Variants in MICALL2 observed in about 807,000 individuals in gnomAD.
MICALL2 encodes MICAL-like protein 2.
Under a neutral mutation model 91.1 loss-of-function variants are expected in MICALL2, and 111 were observed. The observed-to-expected ratio is 1.22, with a 90% CI of 1.04 to 1.43. The LOEUF is 1.43. Among genes scored for constraint, MICALL2 ranks in the 40% most tolerant of loss-of-function variants. MICALL2 has a pLI of 0.00. For synonymous variants in MICALL2, 694 were observed against 525.3 expected, an observed-to-expected ratio of 1.32 and a Z score of -4.39; for missense variants, 1,556 against 1,236.0, an observed-to-expected ratio of 1.26 and a Z score of -3.88.
chr7:1,459,288 C>T lies in MICALL2; in HGVS notation c.39G>A (p.Gln13=). Residue 13 remains glutamine (Q), a synonymous_variant, in exon 1 of 17, where the codon CAG becomes CAA. Transcript: ENST00000297508. ...TCACGTCGCGGTAGCCCTCGCACTG[C>T]TGCCGGCACCACTGTTGCAGCGCCC... The part of the protein sequence containing the change: ...AIRALQQWCR[Q]QCEGYRDVNI... The T allele has an allele frequency of 6.2e-7, 1 of 1,601,294 alleles. No individual in the cohort carries two copies. Among genetic ancestry groups the T allele is most frequent in the Non-Finnish European group, 8.5e-7 (1 of 1,175,174 alleles).
At chr7:1,437,215 T>C in intron 14 of MICALL2, 1 of 497,866 alleles carries the variant, frequency 2.0e-6, no homozygotes, top group Non-Finnish European at 3.5e-6. Flanking sequence ...CAAATGCCTA[T>C]GGCTCGCCCT....
intron 6 of MICALL2, among the ~76,000 whole-genome samples, chr7:1,443,006 C>A (rs1022163871): frequency 2.0e-5 from 3 of 152,138 alleles, no homozygotes; most frequent in African/African-American, 7.2e-5. Flanking sequence ...CTCAGGCACA[C>A]ACCAGGAGTG....
At position 1,447,641 on chromosome 7, in the gene MICALL2, A is replaced by G; in HGVS notation, c.459T>C (p.Ser153=). Residue 153 remains serine, a synonymous_variant, in exon 4 of 17, where the codon TCT becomes TCC. Coordinates refer to ENST00000297508, the MANE Select transcript of MICALL2 (RefSeq NM_182924.4). ...SPAPARKPPL[S]PAQTNPVVQR... is the part of the protein sequence containing the mutation. The stretch of plus-strand genomic sequence containing the variant: ...GGACCACAGGGTTTGTCTGGGCTGG[A>G]GATAGTGGAGGCTTCCGGGCTGGGG... 6.3e-7 allele frequency: 1 copy of G among 1,597,010 alleles called. No homozygotes were observed. The highest frequency in any genetic ancestry group is 8.5e-7 in the Non-Finnish European group (1 of 1,172,736).
chr7:1,447,088 C>A (rs551585867), intron 4 of MICALL2, among the ~76,000 whole-genome samples: 11 of 152,246 alleles, frequency 7.2e-5, no homozygotes, highest in South Asian at 6.2e-4. Context: ...AGATTCCAGG[C>A]CTCCTCCTGC....
chr7:1,447,872 A>G lies in MICALL2; in HGVS notation c.335-107T>C, dbSNP rs114756453. 6.7e-3 allele frequency: 5,962 copies of G among 884,424 alleles called. 276 individuals carry two copies. In the African/African-American group the frequency reaches 0.094, roughly 14 times the overall value. The allele number at this position is 884,424 out of a possible 1,614,324, so 54.8% of individuals were successfully genotyped here. On this transcript the variant is annotated intron_variant, in intron 3 of 16. Transcript: ENST00000297508. The stretch of plus-strand genomic sequence containing the variant: ...GCACAGGCCTTGGTGCCCGGGGGGG[A>G]CCTGGGGGCCCAGGGCTGGGGAGAG...
At chr7:1,436,652 G>C (rs1779979403) in intron 15 of MICALL2, 90 bp downstream of exon 15, 1 of 938,756 alleles carries the variant, frequency 1.1e-6, no homozygotes, top group Non-Finnish European at 1.6e-6. Context: ...TGGTCAGAAA[G>C]TTCTACGGGG....
chr7:1,438,207 T>G lies in MICALL2; in HGVS notation c.2201A>C (p.Tyr734Ser), dbSNP rs1057294742. 6.3e-7 allele frequency: 1 copy of G among 1,584,024 alleles called. No homozygotes were observed. The highest frequency in any genetic ancestry group is 8.6e-7 in the Non-Finnish European group (1 of 1,165,174). Residue 734 changes from tyrosine to serine, a missense_variant, in exon 12 of 17, where the codon TAC becomes TCC. By Grantham distance (144) the Tyr-to-Ser change is moderately radical. Coordinates refer to ENST00000297508, the MANE Select transcript of MICALL2 (RefSeq NM_182924.4). Reference protein sequence around the residue: ...VTSPVRLHPDYLSPEEIQRQL... With the variant: ...VTSPVRLHPDSLSPEEIQRQL... Reference sequence around the variant, plus strand: ...CCTCTGTATCTCCTCCGGGGAGAGGTAGTCGGGGTGCAGCTGGGAACGGAG... The same window carrying G: ...CCTCTGTATCTCCTCCGGGGAGAGGGAGTCGGGGTGCAGCTGGGAACGGAG...
chr7:1,446,671 G>C, intron 5 of MICALL2, 42 bp downstream of exon 5: 2 of 1,437,668 alleles, frequency 1.4e-6, no homozygotes, highest in Non-Finnish European at 1.9e-6. Flanking sequence ...GTTCTGGGAG[G>C]GGAGGTGCAC....
At chr7:1,439,783 G>C in intron 9 of MICALL2, 142 bp downstream of exon 9, 3 of 613,996 alleles carry the variant, frequency 4.9e-6, no homozygotes, top group Non-Finnish European at 7.6e-6. Flanking sequence ...AGCCTGCCCA[G>C]GACTACCAGC....
At position 1,442,261 on chromosome 7, in the gene MICALL2, C is replaced by T. The variant is rs146560321; in HGVS notation, c.1642G>A (p.Val548Met). ...NLAESSGVGR[V>M]GAGSRPKPEA... ...GGCTTCGGCCTGGAGCCAGCACCCACCCTGCCGACCCCTGAGGATTCCGCC... is the reference window on the plus strand; with the variant it reads ...GGCTTCGGCCTGGAGCCAGCACCCATCCTGCCGACCCCTGAGGATTCCGCC... The change falls in exon 7 of 17, where the codon GTG becomes ATG. Residue 548 changes from valine to methionine, a missense_variant. Physicochemically the swap from Val to Met is conservative, Grantham distance 21. Transcript: ENST00000297508. The T allele has an allele frequency of 1.2e-6, 2 of 1,612,920 alleles. No individual in the cohort carries two copies. Among genetic ancestry groups the T allele is most frequent in the African/African-American group, 1.3e-5 (1 of 75,044 alleles).
At chr7:1,450,208 C>A in intron 2 of MICALL2, 32 bp downstream of exon 2, 2 of 1,604,156 alleles carry the variant, frequency 1.2e-6, no homozygotes, top group Non-Finnish European at 1.7e-6. Flanking sequence ...GCTGGCTAAG[C>A]CAGCTGTGAG....
chr7:1,434,773 C>A, intron 16 of MICALL2, 101 bp from the exon 17 acceptor site: 1 of 1,245,404 alleles, frequency 8.0e-7, no homozygotes, highest in Non-Finnish European at 1.1e-6. Flanking sequence ...CTTCCACTGG[C>A]CACAATCCGC....
chr7:1,445,521 C>G (rs1780533724), intron 5 of MICALL2, 93 bp from the exon 6 acceptor site: 1 of 1,251,382 alleles, frequency 8.0e-7, no homozygotes, highest in Non-Finnish European at 1.1e-6. Context: ...TTGCGGACTC[C>G]TGTGTCCACT....
At position 1,439,668 on chromosome 7, in the gene MICALL2, AAC is replaced by A. The variant is rs546224346; in HGVS notation, c.1966+255_1966+256del. ...CACGTGCACATGCATCACACACATG[AAC>A]ACAGATGTACACATGCGCACACATG... On this transcript the variant is annotated intron_variant, in intron 9 of 16. Coordinates refer to ENST00000297508, the MANE Select transcript of MICALL2 (RefSeq NM_182924.4). The A allele has an allele frequency of 1.9e-3, 744 of 399,322 alleles. 19 individuals are homozygous for A. The East Asian group carries it at 0.027, about 15-fold the overall frequency. The allele number at this position is 399,322 out of a possible 1,614,324, so 24.7% of individuals were successfully genotyped here.
intron 6 of MICALL2, among the ~76,000 whole-genome samples, chr7:1,442,761 G>A (rs1356719455): frequency 6.6e-6 from 1 of 151,950 alleles, no homozygotes; most frequent in East Asian, 1.9e-4. Flanking sequence ...CCTGTTTCTG[G>A]CATGAGCATA....
Position 1,445,431 on chromosome 7 carries a change from G to T in MICALL2, c.642-3C>A. ...GCGTGCAGGAGCACTGCTTACACCT[G>T]GGGGAGGAAAGGCACAGGAGCCCCA... On this transcript the variant is annotated splice_polypyrimidine_tract_variant and splice_region_variant and intron_variant, in intron 5 of 16. Transcript: ENST00000297508. 4 of 1,526,554 alleles carry T rather than the reference G, an allele frequency of 2.6e-6. No homozygotes were observed. Among genetic ancestry groups the T allele is most frequent in the Non-Finnish European group, 3.5e-6 (4 of 1,141,468 alleles). The allele number at this position is 1,526,554 out of a possible 1,614,324, so 94.6% of individuals were successfully genotyped here.
At chr7:1,453,283 C>G (rs147980332) in intron 1 of MICALL2, among the ~76,000 whole-genome samples, 1 of 152,070 alleles carries the variant, frequency 6.6e-6, no homozygotes, top group Non-Finnish European at 1.5e-5. Context: ...GGGTTCTTTG[C>G]GGGGAGCCCT....
rs763791070 is a variant in MICALL2 at position 1,438,317 on chromosome 7, G to A, written c.2159C>T (p.Pro720Leu). Reference protein sequence around the residue: ...PLSPANVPALPGETVTSPVRL... With the variant: ...PLSPANVPALLGETVTSPVRL... ...GACTGGGGAGGTCACCGTCTCGCCA[G>A]GCAGAGCAGGGACATTGGCCGGGGA... is the stretch of plus-strand genomic sequence containing the variant. The change falls in exon 11 of 17, where the codon CCT becomes CTT. Residue 720 changes from proline (P) to leucine (L), a missense_variant. By Grantham distance (98) the Pro-to-Leu change is moderately conservative. Coordinates refer to ENST00000297508, the MANE Select transcript of MICALL2 (RefSeq NM_182924.4). The A allele has an allele frequency of 5.6e-6, 9 of 1,604,380 alleles. No homozygotes were observed. In the African/African-American group the frequency reaches 6.7e-5, roughly 12 times the overall value.
chr7:1,455,530 G>A (rs1250888380), intron 1 of MICALL2, among the ~76,000 whole-genome samples: 1 of 152,086 alleles, frequency 6.6e-6, no homozygotes, highest in Non-Finnish European at 1.5e-5. Flanking sequence ...CCGTAAAGCG[G>A]AGATTCACGG....
Sources: gnomAD v4.1 joint callset for allele counts (sites outside exome capture counted in the v4.1 genomes callset) on GRCh38, gnomAD v4.1.1 for gene constraint, MANE v1.5 for transcripts, NCBI Gene and HGNC (gene_info 2026-07-23, HGNC 2026-07-21) for gene names.